Variants in FAM120B observed in about 807,000 individuals in gnomAD.
FAM120B encodes the protein constitutive coactivator of peroxisome proliferator-activated receptor gamma.
Under a neutral mutation model 96.3 loss-of-function variants are expected in FAM120B, and 83 were observed. That is an observed-to-expected ratio of 0.86 (90% CI 0.72 to 1.03). The LOEUF is 1.03. Ranked by LOEUF, FAM120B falls within the 50% of genes least tolerant of loss-of-function variation. The probability of loss-of-function intolerance (pLI) is 0.00; values close to 1 mark genes in which losing one functional copy is unlikely to be tolerated. For synonymous variants in FAM120B, 407 were observed against 402.7 expected (o/e 1.01, Z -0.13); for missense variants, 1,027 against 1,121.2 (o/e 0.92, Z 1.20).
At chr6:170,345,683 T>C (rs9460119) in intron 4 of FAM120B, among the ~76,000 whole-genome samples, 61,393 of 152,110 alleles carry the variant, frequency 0.4, 12,996 homozygotes, top group Middle Eastern at 0.48. Flanking sequence ...ATGGATCTTG[T>C]GTTTCTTCCT....
At chr6:170,390,838 T>C (rs1488216883) in intron 7 of FAM120B, among the ~76,000 whole-genome samples, 175 bp from the exon 8 acceptor site, 1 of 152,206 alleles carries the variant, frequency 6.6e-6, no homozygotes, top group Non-Finnish European at 1.5e-5. Flanking sequence ...GATGTGGTCA[T>C]GCTGAAGGAG....
intron 9 of FAM120B, among the ~76,000 whole-genome samples, chr6:170,399,254 G>C (rs1215692898): frequency 6.9e-6 from 1 of 145,882 alleles, no homozygotes; most frequent in Non-Finnish European, 1.5e-5. Context: ...GAGTGAGAAA[G>C]GTAGAACTAT....
intron 1 of FAM120B, among the ~76,000 whole-genome samples, chr6:170,315,858 G>T (rs536722812): frequency 7.3e-4 from 111 of 151,620 alleles, no homozygotes; most frequent in African/African-American, 2.5e-3. Flanking sequence ...GAGGCGAGAG[G>T]ATCGCTTGAG....
chr6:170,313,353 A>G (rs1410105545), intron 1 of FAM120B, among the ~76,000 whole-genome samples: 1 of 152,180 alleles, frequency 6.6e-6, no homozygotes, highest in African/African-American at 2.4e-5. Context: ...ATACTCCACA[A>G]CAAGCCATGG....
chr6:170,360,578 A>T (rs187546813), intron 6 of FAM120B, among the ~76,000 whole-genome samples: 548 of 152,310 alleles, frequency 3.6e-3, no homozygotes, highest in Admixed American at 9.9e-3. Context: ...CCCCTCAGCC[A>T]TCCACTCAGC....
At chr6:170,301,401 C>T (rs1784138370) in intron 1 of FAM120B, among the ~76,000 whole-genome samples, 1 of 152,238 alleles carries the variant, frequency 6.6e-6, no homozygotes, top group Non-Finnish European at 1.5e-5. Flanking sequence ...CCATTTTTCC[C>T]TCCTAGGCCT....
chr6:170,393,139 C>G (rs1790558905), intron 8 of FAM120B, among the ~76,000 whole-genome samples: 1 of 103,014 alleles, frequency 9.7e-6, no homozygotes, highest in African/African-American at 4.0e-5. Flanking sequence ...TAGCGAGACC[C>G]TGTCTTTACA....
chr6:170,319,207 CAG>C (rs1785135003), intron 2 of FAM120B, 83 bp downstream of exon 2: 1 of 1,349,262 alleles, frequency 7.4e-7, no homozygotes, highest in East Asian at 2.3e-5. Flanking sequence ...ATTACTGCCT[CAG>C]TGTTTGGCCA....
intron 5 of FAM120B, among the ~76,000 whole-genome samples, chr6:170,356,908 AC>A (rs1263473909): frequency 6.6e-6 from 1 of 152,172 alleles, no homozygotes; most frequent in Non-Finnish European, 1.5e-5. Context: ...CCAAAGTAAT[AC>A]CTACTTGGAA....
At chr6:170,403,447 C>T (rs1001833031) in intron 9 of FAM120B, among the ~76,000 whole-genome samples, 1 of 152,128 alleles carries the variant, frequency 6.6e-6, no homozygotes, top group African/African-American at 2.4e-5. Context: ...GGTAAAATTT[C>T]TTGTGTTAGT....
chr6:170,347,957 T>A (rs1787302488), intron 4 of FAM120B, among the ~76,000 whole-genome samples, 194 bp from the exon 5 acceptor site: 1 of 152,208 alleles, frequency 6.6e-6, no homozygotes, highest in South Asian at 2.1e-4. Context: ...ATGTTTTCAT[T>A]GAAACGTACG....
At chr6:170,398,507 G>A (rs570151250) in intron 9 of FAM120B, among the ~76,000 whole-genome samples, 47 of 151,082 alleles carry the variant, frequency 3.1e-4, no homozygotes, top group African/African-American at 1.1e-3. Context: ...TCTTAGGAGT[G>A]AGTGGGGAAG....
intron 6 of FAM120B, among the ~76,000 whole-genome samples, chr6:170,366,680 G>A (rs982137769): frequency 1.3e-5 from 2 of 152,228 alleles, no homozygotes; most frequent in Non-Finnish European, 2.9e-5. Flanking sequence ...AAGGCTTAGA[G>A]GGTGAAAGAC....
chr6:170,291,745 T>G (rs1178444388), upstream of FAM120B, among the ~76,000 whole-genome samples: 1 of 152,086 alleles, frequency 6.6e-6, no homozygotes, highest in African/African-American at 2.4e-5. Context: ...TCCCCGCGCC[T>G]TCGGTGTCCT....
rs2114974111 is a variant in FAM120B at position 170,295,582 on chromosome 6, AGCAGCCGGGGGCGAAGGAATCAGCCCC to A, written c.48+135_48+161del. On this transcript the variant is annotated intron_variant, in intron 1 of 10. Transcript: ENST00000537664. The surrounding 1 kb of genome is among the most constrained non-coding windows in gnomAD (Gnocchi z 7.8). Reference sequence around the variant, plus strand: ...TGGGCGACGGTGGGGGCACAAGAACAGCAGCCGGGGGCGAAGGAATCAGCCCCGCAGCGGCTCCTAAGCCTCCCCGCT... The same window carrying A: ...TGGGCGACGGTGGGGGCACAAGAACAGCAGCGGCTCCTAAGCCTCCCCGCT... 1.8e-6 allele frequency: 1 copy of A among 554,480 alleles called. No individual in the cohort carries two copies. The highest frequency in any genetic ancestry group is 3.1e-6 in the Non-Finnish European group (1 of 318,054). The allele number at this position is 554,480 out of a possible 1,614,324, so 34.3% of individuals were successfully genotyped here.
chr6:170,365,404 A>G (rs1192484992), intron 6 of FAM120B, among the ~76,000 whole-genome samples: 2 of 152,172 alleles, frequency 1.3e-5, no homozygotes, highest in East Asian at 1.9e-4. Context: ...GCTGTGGTCT[A>G]TGTCATGCAT....
intron 6 of FAM120B, among the ~76,000 whole-genome samples, chr6:170,374,834 G>T (rs181707015): frequency 3.3e-5 from 5 of 152,340 alleles, no homozygotes; most frequent in Admixed American, 3.3e-4. Context: ...GCATGTCATA[G>T]CAGCTTTACC....
Position 170,358,331 on chromosome 6 carries a change from C to T in FAM120B, c.2283+13C>T, listed in dbSNP as rs1398721176. The T allele has an allele frequency of 6.3e-7, 1 of 1,576,182 alleles. No homozygotes were observed. The highest frequency in any genetic ancestry group is 1.1e-5 in the South Asian group (1 of 88,622). On this transcript the variant is annotated intron_variant, in intron 6 of 10. Coordinates refer to ENST00000476287, the MANE Select transcript of FAM120B (RefSeq NM_032448.3). ...TGTAAATCTACAGGTACAGACGTGA[C>T]CAGTTAGTTGTCACTGCCCGGAAGA...
intron 6 of FAM120B, among the ~76,000 whole-genome samples, chr6:170,361,232 A>ATG: frequency 7.9e-6 from 1 of 126,292 alleles, no homozygotes; most frequent in African/African-American, 2.9e-5. Context: ...ATATATATAT[A>ATG]TATACACGTA....
Sources: allele counts gnomAD v4.1 joint callset (sites outside exome capture counted in the v4.1 genomes callset), GRCh38; gene constraint gnomAD v4.1.1; non-coding constraint Gnocchi (gnomAD v3.1); transcripts MANE v1.5; gene names NCBI Gene and HGNC (gene_info 2026-07-23, HGNC 2026-07-21).